Variants in SLC25A40 observed in about 807,000 individuals in gnomAD.
SLC25A40 encodes mitochondrial glutathione transporter SLC25A40.
In SLC25A40, 41 loss-of-function variants were observed where a neutral mutation model predicts 46.5. The ratio of observed to expected loss-of-function variants is 0.88; its 90% confidence interval spans 0.69 to 1.14. The LOEUF (loss-of-function observed/expected upper bound fraction) is 1.14. Among genes scored for constraint, SLC25A40 ranks in the 50% most tolerant of loss-of-function variants. The probability of loss-of-function intolerance (pLI) is 0.00; values close to 1 mark genes in which losing one functional copy is unlikely to be tolerated. For synonymous variants in SLC25A40, 126 were observed against 127.5 expected, an observed-to-expected ratio of 0.99 and a Z score of 0.08; for missense variants, 386 against 393.6, an observed-to-expected ratio of 0.98 and a Z score of 0.16.
chr7:87,848,263 G>A (rs948715126), intron 6 of SLC25A40, among the ~76,000 whole-genome samples: 7 of 152,166 alleles, frequency 4.6e-5, no homozygotes, highest in African/African-American at 1.7e-4. Flanking sequence ...GCGCTAGCAT[G>A]GTGGCACATG....
intron 5 of SLC25A40, 32 bp downstream of exon 5, chr7:87,854,172 T>C: frequency 7.4e-7 from 1 of 1,344,526 alleles, no homozygotes; most frequent in Non-Finnish European, 1.1e-6. Context: ...ATAGAAAATA[T>C]ACTGTGATTC....
intron 11 of SLC25A40, 36 bp downstream of exon 11, chr7:87,836,694 T>C: frequency 7.4e-7 from 1 of 1,355,932 alleles, no homozygotes; most frequent in Non-Finnish European, 1.0e-6. Context: ...AAAGTAATCA[T>C]TCTATTCAAT....
intron 10 of SLC25A40, among the ~76,000 whole-genome samples, chr7:87,837,333 T>A (rs1838271939): frequency 6.6e-6 from 1 of 151,134 alleles, no homozygotes; most frequent in African/African-American, 2.4e-5. Context: ...TTCATTCACA[T>A]TTTATTGTAA....
chr7:87,855,806 T>C (rs1264948180), intron 4 of SLC25A40, among the ~76,000 whole-genome samples: 1 of 152,198 alleles, frequency 6.6e-6, no homozygotes, highest in Non-Finnish European at 1.5e-5. Flanking sequence ...ACCTATAAAA[T>C]CTAAGGAATT....
intron 9 of SLC25A40, among the ~76,000 whole-genome samples, chr7:87,842,543 GA>G (rs1032744103): frequency 2.0e-5 from 3 of 151,918 alleles, no homozygotes; most frequent in Non-Finnish European, 2.9e-5. Flanking sequence ...GTACGTTCTT[GA>G]AATCAGCTTC....
chr7:87,866,706 T>C (rs1838806551), intron 1 of SLC25A40, among the ~76,000 whole-genome samples: 1 of 152,194 alleles, frequency 6.6e-6, no homozygotes, highest in Non-Finnish European at 1.5e-5. Flanking sequence ...TGGAGTATAA[T>C]CAAACATCTT....
chr7:87,834,864 T>C lies in SLC25A40; in HGVS notation c.*1385A>G, dbSNP rs913499805. ...TGAATATTTATGTGGATATGTATGTTGCAAATTTAAGGTAAATCAACATAG... is the reference window on the plus strand; with the variant it reads ...TGAATATTTATGTGGATATGTATGTCGCAAATTTAAGGTAAATCAACATAG... On this transcript the variant is annotated 3_prime_UTR_variant, in exon 12 of 12. Transcript: ENST00000341119. 3.3e-5 allele frequency: 5 copies of C among 151,568 alleles called. No individual in the cohort carries two copies. Among genetic ancestry groups the C allele is most frequent in the Non-Finnish European group, 7.4e-5 (5 of 67,664 alleles). The allele number at this position is 151,568 out of a possible 1,614,324, so 9.4% of individuals were successfully genotyped here.
intron 1 of SLC25A40, among the ~76,000 whole-genome samples, chr7:87,870,855 G>C (rs553101421): frequency 6.6e-6 from 1 of 152,070 alleles, no homozygotes; most frequent in Non-Finnish European, 1.5e-5. Context: ...GAAGTTGTTC[G>C]TGTGACCTCA....
At chr7:87,863,726 C>G (rs776047447) in intron 1 of SLC25A40, among the ~76,000 whole-genome samples, 2 of 151,880 alleles carry the variant, frequency 1.3e-5, no homozygotes, top group Non-Finnish European at 2.9e-5. Context: ...TAGGAACATT[C>G]GAATTATCTT....
chr7:87,846,064 C>T (rs779354252), intron 8 of SLC25A40, among the ~76,000 whole-genome samples: 1 of 152,070 alleles, frequency 6.6e-6, no homozygotes, highest in African/African-American at 2.4e-5. Flanking sequence ...TGTTTACTCA[C>T]ATATAAACAA....
intron 1 of SLC25A40, among the ~76,000 whole-genome samples, chr7:87,866,896 C>G (rs943712997): frequency 1.3e-5 from 2 of 152,254 alleles, no homozygotes; most frequent in Non-Finnish European, 2.9e-5. Context: ...TCCCTAAGAA[C>G]AAAGAGCTTG....
At chr7:87,842,779 GATCATTTAAAAA>G (rs72292461) in intron 9 of SLC25A40, among the ~76,000 whole-genome samples, 1,936 of 152,010 alleles carry the variant, frequency 0.013, 42 homozygotes, top group African/African-American at 0.044. Flanking sequence ...CAATTTTCTA[GATCATTTAAAAA>G]ATCATTTAAA....
chr7:87,870,776 C>A (rs1838884574), intron 1 of SLC25A40, among the ~76,000 whole-genome samples: 1 of 152,156 alleles, frequency 6.6e-6, no homozygotes, highest in Non-Finnish European at 1.5e-5. Context: ...TGCTCCAACC[C>A]CTTTTCAGCT....
intron 1 of SLC25A40, among the ~76,000 whole-genome samples, chr7:87,863,337 G>A (rs1025479712): frequency 1.3e-5 from 2 of 152,010 alleles, no homozygotes; most frequent in Non-Finnish European, 2.9e-5. Flanking sequence ...ATGTTCTTGT[G>A]ATAGTGCGTT....
At chr7:87,847,189 G>A (rs2131002227) in intron 7 of SLC25A40, 67 bp from the exon 8 acceptor site, 3 of 1,158,756 alleles carry the variant, frequency 2.6e-6, no homozygotes, top group East Asian at 2.7e-5. Context: ...CACATATACT[G>A]TAAAAATTAA....
At position 87,834,184 on chromosome 7, in the gene SLC25A40, G is replaced by A. The variant is rs1274744115; in HGVS notation, c.*2065C>T. 1 of 151,792 alleles carries A rather than the reference G, an allele frequency of 6.6e-6. No homozygotes were observed. Among genetic ancestry groups the A allele is most frequent in the Non-Finnish European group, 1.5e-5 (1 of 67,832 alleles). The allele number at this position is 151,792 out of a possible 1,614,324, so 9.4% of individuals were successfully genotyped here. A position where few individuals can be genotyped will look rare whatever the true frequency, so the allele number is the denominator to read the frequency against. ...AAGTCTGGAAAGCCCATGTGGCTGA[G>A]AGTTAAATTTATATACTGAAGTAAA... is the stretch of plus-strand genomic sequence containing the variant. On this transcript the variant is annotated 3_prime_UTR_variant, in exon 12 of 12. Transcript: ENST00000341119.
intron 1 of SLC25A40, among the ~76,000 whole-genome samples, chr7:87,875,665 C>A (rs1041746914): frequency 4.6e-5 from 7 of 151,642 alleles, no homozygotes; most frequent in Non-Finnish European, 1.0e-4. Flanking sequence ...ATGTTACTTT[C>A]CACTCCTTCA....
In SLC25A40 at chr7:87,838,061, T is replaced by G. The variant is rs1183243767; in HGVS notation, c.824-1251A>C. Among the ~76,000 whole-genome samples the G allele has an allele frequency of 5.3e-5, 8 of 151,506 alleles. No homozygotes were observed. In the Admixed American group the frequency reaches 5.3e-4, roughly 10 times the overall value. On this transcript the variant is annotated intron_variant, in intron 10 of 11. Transcript: ENST00000341119. ...TATATAAAATATCAGAATCTCTGAC[T>G]ATGAATAAATGAAGACTAAGATAAA...
chr7:87,852,996 G>A (rs1303516197), intron 5 of SLC25A40, among the ~76,000 whole-genome samples: 1 of 152,120 alleles, frequency 6.6e-6, no homozygotes, highest in Non-Finnish European at 1.5e-5. Context: ...ATTGAATTTT[G>A]TAAAAATTAA....
Sources: gnomAD v4.1 joint callset for allele counts (sites outside exome capture counted in the v4.1 genomes callset) on GRCh38, gnomAD v4.1.1 for gene constraint, MANE v1.5 for transcripts, NCBI Gene and HGNC (gene_info 2026-07-23, HGNC 2026-07-21) for gene names.